DLGAP1: variants seen among roughly 807,000 people sequenced by gnomAD.
DLGAP1 encodes DLG associated protein 1.
A neutral mutation model predicts 90.8 loss-of-function variants in DLGAP1; 11 were observed. That is an observed-to-expected ratio of 0.12 (90% CI 0.08 to 0.20). DLGAP1 has a LOEUF of 0.20. Among genes scored for constraint, DLGAP1 ranks in the 10% least tolerant of loss-of-function variants. DLGAP1 has a pLI of 1.00. For synonymous variants in DLGAP1, 558 were observed against 540.7 expected (o/e 1.03, Z -0.44); for missense variants, 1,050 against 1,333.8 (o/e 0.79, Z 3.31).
chr18:4,361,195 A>G (rs1032261692), intron 1 of DLGAP1, among the ~76,000 whole-genome samples: 1 of 149,970 alleles, frequency 6.7e-6, no homozygotes, highest in Non-Finnish European at 1.5e-5. Flanking sequence ...ATAACATAAT[A>G]TATTTTATTG....
At chr18:4,294,547 C>T (rs747063936) in intron 1 of DLGAP1, 4 of 152,338 alleles carry the variant, frequency 2.6e-5, no homozygotes, top group Non-Finnish European at 5.9e-5. Context: ...GGAACCAGAG[C>T]GAGAGCTTTT....
chr18:4,235,606 T>C (rs2078391992), intron 1 of DLGAP1, among the ~76,000 whole-genome samples: 1 of 152,128 alleles, frequency 6.6e-6, no homozygotes, highest in African/African-American at 2.4e-5. Flanking sequence ...ATGAACACTT[T>C]CTCTTATTTG....
intron 7 of DLGAP1, among the ~76,000 whole-genome samples, chr18:3,613,699 G>A (rs2057732103): frequency 6.6e-6 from 1 of 152,130 alleles, no homozygotes; most frequent in African/African-American, 2.4e-5. Context: ...AACAATTAAC[G>A]CCCAGATGAG....
At chr18:3,983,101 GAA>G (rs2073771203) in intron 3 of DLGAP1, 2 of 151,974 alleles carry the variant, frequency 1.3e-5, no homozygotes, top group Admixed American at 1.3e-4. Flanking sequence ...AAGGAATATA[GAA>G]AATATTTATT....
chr18:4,148,344 T>C (rs1300272384), intron 2 of DLGAP1, among the ~76,000 whole-genome samples: 1 of 152,164 alleles, frequency 6.6e-6, no homozygotes. Context: ...TAGAGTGGCA[T>C]GCTTTAAATG....
At chr18:4,363,972 C>T (rs1406570722) in intron 1 of DLGAP1, among the ~76,000 whole-genome samples, 2 of 151,876 alleles carry the variant, frequency 1.3e-5, no homozygotes, top group East Asian at 3.9e-4. Context: ...TTTATTGCGG[C>T]ACTATTCACA....
At chr18:3,707,350 C>T (rs1470616425) in intron 7 of DLGAP1, among the ~76,000 whole-genome samples, 2 of 152,150 alleles carry the variant, frequency 1.3e-5, no homozygotes, top group Non-Finnish European at 2.9e-5. Context: ...GTAATCCCAG[C>T]ACTTTAGAAG....
chr18:4,202,009 A>G (rs915679575), intron 1 of DLGAP1, among the ~76,000 whole-genome samples: 2 of 152,130 alleles, frequency 1.3e-5, no homozygotes, highest in African/African-American at 4.8e-5. Context: ...ATTATGTCAG[A>G]GACCCCTGAG....
intron 1 of DLGAP1, among the ~76,000 whole-genome samples, chr18:4,329,869 C>T (rs2080909521): frequency 6.6e-6 from 1 of 151,896 alleles, no homozygotes; most frequent in Non-Finnish European, 1.5e-5. Context: ...GTTTTGGTAG[C>T]AGGATATTGC....
intron 5 of DLGAP1, among the ~76,000 whole-genome samples, chr18:3,744,527 A>T (rs2063187217): frequency 6.6e-6 from 1 of 152,186 alleles, no homozygotes; most frequent in Admixed American, 6.5e-5. Context: ...CTATAAATTT[A>T]ACGTAATTGC....
At chr18:4,279,645 G>A (rs190030259) in intron 1 of DLGAP1, among the ~76,000 whole-genome samples, 20 of 152,210 alleles carry the variant, frequency 1.3e-4, no homozygotes, top group Admixed American at 4.6e-4. Context: ...TGTGTCTAAC[G>A]TATTGAATAT....
At chr18:4,274,779 T>A (rs752249883) in intron 1 of DLGAP1, among the ~76,000 whole-genome samples, 7 of 152,196 alleles carry the variant, frequency 4.6e-5, no homozygotes, top group Non-Finnish European at 8.8e-5. Flanking sequence ...AGAAATGATG[T>A]TTATTTTGTC....
chr18:4,063,956 G>A (rs1006131343), intron 2 of DLGAP1, among the ~76,000 whole-genome samples: 1 of 151,926 alleles, frequency 6.6e-6, no homozygotes, highest in African/African-American at 2.4e-5. Context: ...TCTTTAAGGG[G>A]CTGAGAGCCT....
At position 3,729,062 on chromosome 18, in the gene DLGAP1, G is replaced by A. The variant is rs1419932352; in HGVS notation, c.1591+73C>T. On this transcript the variant is annotated intron_variant, in intron 7 of 12. Transcript: ENST00000315677. This position sits in a 1 kb window ranked among gnomAD's most constrained non-coding sequence, Gnocchi z 6.2. ...TGGCAACTATGTGTGTTGACAGCAA[G>A]GGCACAGTCTTTGGGGACAGTCGTG... The A allele has an allele frequency of 5.9e-6, 9 of 1,523,406 alleles. No individual in the cohort carries two copies. The East Asian group carries it at 9.1e-5, about 15-fold the overall frequency. 94.4% of individuals were successfully genotyped at this position (1,523,406 alleles called of 1,614,324 possible).
chr18:4,286,418 G>A (rs1473441534), intron 1 of DLGAP1, among the ~76,000 whole-genome samples: 1 of 152,088 alleles, frequency 6.6e-6, no homozygotes, highest in Non-Finnish European at 1.5e-5. Flanking sequence ...GCAGTGAAAA[G>A]CATCAACACA....
chr18:4,349,721 C>T (rs1025287277), intron 1 of DLGAP1, among the ~76,000 whole-genome samples: 3 of 151,470 alleles, frequency 2.0e-5, no homozygotes, highest in African/African-American at 4.9e-5. Context: ...TTAAAAAAAC[C>T]GATAACATGA....
At chr18:4,117,942 A>G (rs2076088667) in intron 2 of DLGAP1, among the ~76,000 whole-genome samples, 1 of 151,796 alleles carries the variant, frequency 6.6e-6, no homozygotes, top group South Asian at 2.1e-4. Flanking sequence ...ATCTGCCCAC[A>G]TCTAGCTCTG....
At chr18:4,394,030 G>C (rs1354964335) in intron 1 of DLGAP1, among the ~76,000 whole-genome samples, 1 of 152,176 alleles carries the variant, frequency 6.6e-6, no homozygotes, top group East Asian at 1.9e-4. Context: ...CCATGGCAGA[G>C]GGGTTGGGGA....
chr18:3,505,405 G>A (rs907769677), intron 11 of DLGAP1, among the ~76,000 whole-genome samples: 3 of 152,048 alleles, frequency 2.0e-5, no homozygotes, highest in South Asian at 2.1e-4. Context: ...TTGGAAGGCC[G>A]AGGCGGGAGG....
Sources: allele counts gnomAD v4.1 joint callset (sites outside exome capture counted in the v4.1 genomes callset), GRCh38; gene constraint gnomAD v4.1.1; non-coding constraint Gnocchi (gnomAD v3.1); transcripts MANE v1.5; gene names NCBI Gene and HGNC (gene_info 2026-07-23, HGNC 2026-07-21).